The following MED23 variants were observed in gnomAD, a reference collection of about 807,000 sequenced individuals.
MED23 encodes the protein mediator complex subunit 23.
MED23 carries 105 observed loss-of-function variants against 163.9 expected under a neutral mutation model. The ratio of observed to expected loss-of-function variants is 0.64; its 90% CI spans 0.55 to 0.75. The LOEUF is 0.75. Among genes scored for constraint, MED23 ranks in the 30% least tolerant of loss-of-function variants. The pLI is 0.00. For missense variants in MED23, 1,054 were observed against 1,649.0 expected (o/e 0.64, Z 6.25); for synonymous variants, 561 against 565.6 (o/e 0.99, Z 0.12).
At chr6:131,596,400 C>T in intron 21 of MED23, 118 bp downstream of exon 21, 1 of 1,216,104 alleles carries the variant, frequency 8.2e-7, no homozygotes, top group South Asian at 1.3e-5. Context: ...AGCTAACTTA[C>T]TTCTATATAG....
chr6:131,615,837 G>T, intron 10 of MED23, 70 bp downstream of exon 10: 1 of 1,160,010 alleles, frequency 8.6e-7, no homozygotes, highest in Non-Finnish European at 1.3e-6. Context: ...GTTAGCTATA[G>T]CAAAGAAAAG....
At position 131,591,453 on chromosome 6, in the gene MED23, C is replaced by G; in HGVS notation, c.3546G>C (p.Glu1182Asp). The change falls in exon 26 of 29, where the codon GAG becomes GAC. Residue 1182 changes from glutamate to aspartate, a missense_variant. Glu to Asp is a conservative substitution (Grantham distance 45). Transcript: ENST00000368068. ...AGAGGCGGAATGGATAGCCAACCCACTCTGTTTCAGACGTCAAGCTGGGGC... is the reference window on the plus strand; with the variant it reads ...AGAGGCGGAATGGATAGCCAACCCAGTCTGTTTCAGACGTCAAGCTGGGGC... ...ISSPSLTSET[E>D]WVGYPFRLFD... 6.2e-7 allele frequency: 1 copy of G among 1,613,952 alleles called. No individual in the cohort carries two copies. Among genetic ancestry groups the G allele is most frequent in the Non-Finnish European group, 8.5e-7 (1 of 1,179,856 alleles).
In MED23 at chr6:131,603,170, T is replaced by G; in HGVS notation, c.1791A>C (p.Ala597=). ...CAAGGAGTGTGTGTAAGATCCCCCATGCATGTGATTTGAAAACAGTTGGCA... is the reference window on the plus strand; with the variant it reads ...CAAGGAGTGTGTGTAAGATCCCCCAGGCATGTGATTTGAAAACAGTTGGCA... ...QLLPTVFKSH[A]WGILHTLLEM... Residue 597 remains alanine (A), a synonymous_variant, in exon 16 of 29, where the codon GCA becomes GCC. Coordinates refer to ENST00000368068, the MANE Select transcript of MED23 (RefSeq NM_004830.4). The G allele has an allele frequency of 6.2e-7, 1 of 1,613,888 alleles. No homozygotes were observed. The highest frequency in any genetic ancestry group is 8.5e-7 in the Non-Finnish European group (1 of 1,179,866).
At position 131,579,275 on chromosome 6, in the gene MED23, G is replaced by A. The variant is rs753829097; in HGVS notation, c.4096-4980C>T. ...CGGAAGAATCAGCCTGGTGCTGGGC[G>A]GAGACCACAGGTCTTGTTGAATAAC... On this transcript the variant is annotated intron_variant, in intron 30 of 30. Transcript: ENST00000354577. 9.9e-6 allele frequency: 16 copies of A among 1,613,870 alleles called. No individual in the cohort carries two copies. The highest frequency in any genetic ancestry group is 1.1e-5 in the Non-Finnish European group (13 of 1,179,978).
In MED23 at chr6:131,621,936, G is replaced by A. The variant is rs1421750616; in HGVS notation, c.440C>T (p.Thr147Ile). Residue 147 changes from threonine to isoleucine, a missense_variant, in exon 6 of 29, where the codon ACA (threonine) becomes ATA (isoleucine). Transcript: ENST00000368068. The part of the protein sequence containing the change: ...LLKVILEKIL[T>I]IPNTVSSAVV... ...AGCAGAGCTCACTGTATTAGGAATT[G>A]TCAAAATCTTCTCCAAAATCACTTT... The A allele has an allele frequency of 1.2e-6, 2 of 1,613,610 alleles. No homozygotes were observed. The highest frequency in any genetic ancestry group is 4.5e-5 in the East Asian group (2 of 44,840).
rs1775059660 is a variant in MED23, at chr6:131,596,498, A to G, written c.2778+20T>C. ...TATGGCTTTAAAAGGACTATTTGAA[A>G]TACCAATTAGGACTAGTACCTTGTG... On this transcript the variant is annotated intron_variant, in intron 21 of 28. Coordinates refer to ENST00000368068, the MANE Select transcript of MED23 (RefSeq NM_004830.4). The G allele has an allele frequency of 6.2e-7, 1 of 1,613,542 alleles. No homozygotes were observed. Among genetic ancestry groups the G allele is most frequent in the African/African-American group, 1.3e-5 (1 of 74,914 alleles).
chr6:131,603,359 TTTAACA>T (rs2114659626), intron 15 of MED23, among the ~76,000 whole-genome samples, 155 bp from the exon 16 acceptor site: 1 of 152,334 alleles, frequency 6.6e-6, no homozygotes, highest in South Asian at 2.1e-4. Context: ...TATTTTCTAC[TTTAACA>T]GTAAGGAAAA....
At chr6:131,586,623 G>A (rs935417974), downstream of MED23, 20 of 509,808 alleles carry the variant, frequency 3.9e-5, no homozygotes, top group Non-Finnish European at 4.8e-5. Context: ...TTAATTCCTA[G>A]GCCAATGTCA....
chr6:131,609,506 CTTTTTTTTTTTTT>C (rs71030751), intron 11 of MED23, among the ~76,000 whole-genome samples: 7 of 98,016 alleles, frequency 7.1e-5, no homozygotes, highest in Non-Finnish European at 9.5e-5. Flanking sequence ...GAGACTATTC[CTTTTTTTTTTTTT>C]TTTTTTTTTT....
intron 4 of MED23, among the ~76,000 whole-genome samples, chr6:131,624,205 C>T (rs1233396997): frequency 2.0e-5 from 3 of 152,170 alleles, no homozygotes; most frequent in Non-Finnish European, 4.4e-5. Flanking sequence ...GGAAAGTCTA[C>T]GTTCTCACTC....
At chr6:131,621,413 A>G (rs1777096871) in intron 6 of MED23, among the ~76,000 whole-genome samples, 1 of 152,038 alleles carries the variant, frequency 6.6e-6, no homozygotes, top group Non-Finnish European at 1.5e-5. Context: ...TATTTAATGG[A>G]TTTATTGGGT....
intron 27 of MED23, among the ~76,000 whole-genome samples, chr6:131,589,893 T>A (rs1253365435): frequency 3.3e-5 from 5 of 152,228 alleles, no homozygotes; most frequent in Non-Finnish European, 7.3e-5. Context: ...CATCTCTCGA[T>A]GTCTGGGATA....
intron 11 of MED23, among the ~76,000 whole-genome samples, chr6:131,609,506 C>CTT (rs71030751): frequency 1.2e-3 from 113 of 97,996 alleles, no homozygotes; most frequent in Middle Eastern, 6.5e-3. Context: ...GAGACTATTC[C>CTT]TTTTTTTTTT....
rs78206158 is a variant in MED23, at chr6:131,602,143, C to T, written c.2095+75G>A. 9,383 of 1,486,714 alleles carry T rather than the reference C, an allele frequency of 6.3e-3. 437 individuals carry two copies. The African/African-American group carries it at 0.11, about 17-fold the overall frequency. 92.1% of individuals were successfully genotyped at this position (1,486,714 alleles called of 1,614,324 possible). ...TGAAAAGTATCTTTTTAGTATGTTA[C>T]AACTATAGTAATTAGTAGAATCATG... On this transcript the variant is annotated intron_variant, in intron 17 of 28. Coordinates refer to ENST00000368068, the MANE Select transcript of MED23 (RefSeq NM_004830.4).
chr6:131,624,983 G>A lies in MED23; in HGVS notation c.166C>T (p.His56Tyr), dbSNP rs1381645711. Residue 56 changes from histidine (H) to tyrosine (Y), a missense_variant, in exon 4 of 29, where the codon CAT becomes TAT. This residue lies in a region of MED23 where 227 missense variants were observed against 235.5 expected (regional missense o/e 0.96). Transcript: ENST00000368068. ...QFWGGLSQES[H>Y]EQCIQWIVKF... ...ACAATCCACTGGATACACTGTTCAT[G>A]AGACTCCTGGAAAATGAGAGAATGA... The A allele has an allele frequency of 1.9e-6, 3 of 1,613,550 alleles. No homozygotes were observed. The South Asian group carries it at 3.3e-5, about 18-fold the overall frequency.
downstream of MED23, chr6:131,583,946 C>T (rs779017704): frequency 6.3e-7 from 1 of 1,599,430 alleles, no homozygotes; most frequent in Non-Finnish European, 8.6e-7. Context: ...TAGTTAATGG[C>T]ATAATTAGAA....
intron 28 of MED23, 121 bp downstream of exon 28, chr6:131,589,344 T>C (rs987244741): frequency 2.0e-5 from 19 of 970,428 alleles, no homozygotes; most frequent in African/African-American, 1.3e-4. Context: ...CCACCCTTTT[T>C]CCTTAAAAGA....
At chr6:131,599,128 C>A (rs1775280940) in intron 18 of MED23, among the ~76,000 whole-genome samples, 2 of 152,194 alleles carry the variant, frequency 1.3e-5, no homozygotes, top group Non-Finnish European at 2.9e-5. Flanking sequence ...CCCAGTGATT[C>A]TCAGAGTGTG....
In MED23 at chr6:131,587,714, T is replaced by G. The variant is rs1562365936; in HGVS notation, c.4072A>C (p.Asn1358His). The change falls in exon 29 of 29, where the codon AAT (asparagine) becomes CAT (histidine). Residue 1358 changes from asparagine (N) to histidine (H), a missense_variant. Coordinates refer to ENST00000368068, the MANE Select transcript of MED23 (RefSeq NM_004830.4). ...ACTGGTAAAGACACGGGCACCTGAT[T>G]AGACTGAGGTGCTGGAGACCCACTG... ...MNSGSPAPQS[N>H]QVPVSLPVTQ 4 of 1,614,154 alleles carry G rather than the reference T, an allele frequency of 2.5e-6. No individual in the cohort carries two copies. Among genetic ancestry groups the G allele is most frequent in the Non-Finnish European group, 3.4e-6 (4 of 1,179,994 alleles).
Sources: gnomAD v4.1 joint callset for allele counts (sites outside exome capture counted in the v4.1 genomes callset) on GRCh38, gnomAD v4.1.1 for gene constraint, gnomAD v4.1.1 regional missense constraint, MANE v1.5 for transcripts, NCBI Gene and HGNC (gene_info 2026-07-23, HGNC 2026-07-21) for gene names.